The following NRXN3 variants were observed in gnomAD, a reference collection of about 807,000 sequenced individuals.
NRXN3 encodes neurexin III.
In NRXN3, 32 loss-of-function variants were observed where a neutral mutation model predicts 137.6. That is an observed-to-expected ratio of 0.23 (90% CI 0.18 to 0.31). NRXN3 has a LOEUF of 0.31. NRXN3 is among the 10% of genes least tolerant of loss of function. The probability of loss-of-function intolerance (pLI) is 1.00; values close to 1 mark genes in which losing one functional copy is unlikely to be tolerated. For synonymous variants in NRXN3, 798 were observed against 784.5 expected (o/e 1.02, Z -0.29); for missense variants, 1,574 against 2,062.5 (o/e 0.76, Z 4.59).
At chr14:78,215,753 G>A (rs954961281) in intron 1 of NRXN3, among the ~76,000 whole-genome samples, 1 of 94,344 alleles carries the variant, frequency 1.1e-5, no homozygotes, top group East Asian at 3.5e-4. Context: ...GGGGGGTTTC[G>A]TTTGTGCTGC....
chr14:78,403,074 A>T (rs2092223092), intron 4 of NRXN3, among the ~76,000 whole-genome samples: 1 of 152,154 alleles, frequency 6.6e-6, no homozygotes, highest in Non-Finnish European at 1.5e-5. Context: ...AATATCTTTG[A>T]GTTGTTCAGC....
At chr14:78,854,636 G>A (rs1433642081) in intron 10 of NRXN3, among the ~76,000 whole-genome samples, 2 of 152,294 alleles carry the variant, frequency 1.3e-5, no homozygotes, top group East Asian at 1.9e-4. Flanking sequence ...GTGTATAATA[G>A]AGGCTATTCT....
At chr14:79,051,220 TG>T (rs929972098) in intron 15 of NRXN3, among the ~76,000 whole-genome samples, 5 of 129,348 alleles carry the variant, frequency 3.9e-5, no homozygotes, top group Non-Finnish European at 6.8e-5. Flanking sequence ...TCGTTTCCTC[TG>T]AAAAAAAAAT....
intron 15 of NRXN3, among the ~76,000 whole-genome samples, chr14:78,988,785 G>GTA (rs370138498): frequency 0.063 from 9,604 of 151,724 alleles, 809 homozygotes; most frequent in African/African-American, 0.19. Flanking sequence ...GTGTGTGTGT[G>GTA]TATATATATG....
At chr14:79,598,343 T>A (rs970521726) in intron 16 of NRXN3, among the ~76,000 whole-genome samples, 7 of 152,148 alleles carry the variant, frequency 4.6e-5, no homozygotes, top group Non-Finnish European at 8.8e-5. Context: ...TTAGTCTCAT[T>A]TCCTGTCCAA....
At chr14:78,468,997 T>C (rs547508037) in intron 4 of NRXN3, among the ~76,000 whole-genome samples, 1 of 152,228 alleles carries the variant, frequency 6.6e-6, no homozygotes, top group African/African-American at 2.4e-5. Context: ...GCCTGGGGCA[T>C]GGGAGAGGTC....
rs184434097 is a variant in NRXN3 at position 78,601,572 on chromosome 14, C to A, written c.758-43548C>A. 2.5e-4 allele frequency among the ~76,000 whole-genome samples: 38 copies of A among 152,090 alleles called. No individual in the cohort carries two copies. The East Asian group carries it at 6.4e-3, about 26-fold the overall frequency. On this transcript the variant is annotated intron_variant, in intron 4 of 20. Transcript: ENST00000335750. Reference sequence around the variant, plus strand: ...GGTTCACGCCATTCTCCTGCCTCAGCCTCCCAAGTAGCTGGGACTACAGGT... The same window carrying A: ...GGTTCACGCCATTCTCCTGCCTCAGACTCCCAAGTAGCTGGGACTACAGGT...
chr14:79,340,491 G>A (rs1450627422), intron 15 of NRXN3, among the ~76,000 whole-genome samples: 2 of 152,140 alleles, frequency 1.3e-5, no homozygotes, highest in African/African-American at 4.8e-5. Context: ...TTGAGACAGA[G>A]TTTTCCTCTT....
chr14:78,812,636 G>A (rs1041110031), intron 10 of NRXN3, among the ~76,000 whole-genome samples: 3 of 152,200 alleles, frequency 2.0e-5, no homozygotes, highest in Non-Finnish European at 4.4e-5. Context: ...ACAGATGACA[G>A]CAGGTTTTCT....
Position 79,058,668 on chromosome 14 carries a change from T to C in NRXN3, c.3262+70527T>C, listed in dbSNP as rs534028615. The stretch of plus-strand genomic sequence containing the variant: ...GTATGTGATATGGTTTAACTCTGTG[T>C]CCCCACCCAAATCTCATCTCAAATT... On this transcript the variant is annotated intron_variant, in intron 15 of 20. Transcript: ENST00000335750. 2.6e-5 allele frequency among the ~76,000 whole-genome samples: 4 copies of C among 152,206 alleles called. No homozygotes were observed. The East Asian group carries it at 7.8e-4, about 30-fold the overall frequency.
At chr14:79,206,709 AGT>A (rs2066846355) in intron 15 of NRXN3, among the ~76,000 whole-genome samples, 1 of 152,076 alleles carries the variant, frequency 6.6e-6, no homozygotes, top group African/African-American at 2.4e-5. Flanking sequence ...GCTAGTAAGG[AGT>A]GTTTGGTGTC....
At chr14:78,622,590 C>T (rs1285050947) in intron 4 of NRXN3, among the ~76,000 whole-genome samples, 4 of 151,634 alleles carry the variant, frequency 2.6e-5, no homozygotes, top group East Asian at 1.9e-4. Context: ...CTTCCACTGA[C>T]ATCTGCTCTT....
chr14:78,989,384 A>G (rs1417646402), intron 15 of NRXN3, among the ~76,000 whole-genome samples: 1 of 152,108 alleles, frequency 6.6e-6, no homozygotes, highest in Non-Finnish European at 1.5e-5. Flanking sequence ...TTTTGGTCCC[A>G]TATGCTCTTT....
intron 20 of NRXN3, among the ~76,000 whole-genome samples, chr14:79,840,357 G>A (rs1369120830): frequency 1.3e-5 from 2 of 152,018 alleles, no homozygotes; most frequent in African/African-American, 4.8e-5. Flanking sequence ...TCTAGCTTAG[G>A]TAACCTGGGA....
At chr14:78,618,699 A>T (rs1323499246) in intron 4 of NRXN3, among the ~76,000 whole-genome samples, 1 of 152,176 alleles carries the variant, frequency 6.6e-6, no homozygotes, top group Non-Finnish European at 1.5e-5. Context: ...TCATCTTCAA[A>T]CAATCCATGA....
rs560339448 is a variant in NRXN3 at position 79,013,247 on chromosome 14, G to A, written c.3262+25106G>A. Among the ~76,000 whole-genome samples the A allele has an allele frequency of 1.7e-3, 252 of 152,268 alleles. 1 individual carries two copies. Among genetic ancestry groups the A allele is most frequent in the Non-Finnish European group, 2.0e-3 (137 of 68,010 alleles). On this transcript the variant is annotated intron_variant, in intron 15 of 20. Coordinates refer to ENST00000335750, the MANE Select transcript of NRXN3 (RefSeq NM_001330195.2). ...ATGTTATCTTACAGAAGGTCAAAAT[G>A]TCTTTCCTGCATGAATATAATAATG...
chr14:79,451,135 A>G (rs1186370806), intron 15 of NRXN3, among the ~76,000 whole-genome samples: 2 of 148,902 alleles, frequency 1.3e-5, no homozygotes, highest in Non-Finnish European at 1.5e-5. Flanking sequence ...ACATGGCTTT[A>G]TGTGTCAGGA....
chr14:78,618,498 G>T (rs536195197), intron 4 of NRXN3, among the ~76,000 whole-genome samples: 1 of 152,274 alleles, frequency 6.6e-6, no homozygotes, highest in African/African-American at 2.4e-5. Flanking sequence ...CAATGTCAGC[G>T]CACCAGCTTT....
chr14:79,275,737 G>T (rs914187490), intron 15 of NRXN3, among the ~76,000 whole-genome samples: 3 of 151,602 alleles, frequency 2.0e-5, no homozygotes, highest in South Asian at 4.2e-4. Flanking sequence ...AGGATGGGGG[G>T]GGGGACATTT....
Sources: gnomAD v4.1 joint callset for allele counts (sites outside exome capture counted in the v4.1 genomes callset) on GRCh38, gnomAD v4.1.1 for gene constraint, MANE v1.5 for transcripts, NCBI Gene and HGNC (gene_info 2026-07-23, HGNC 2026-07-21) for gene names.